Variants in MIPOL1 observed in about 807,000 individuals in gnomAD.
MIPOL1 encodes the protein mirror-image polydactyly gene 1 protein.
In MIPOL1, 57 loss-of-function variants were observed where a neutral mutation model predicts 60.9. The observed-to-expected ratio is 0.94, with a 90% confidence interval of 0.76 to 1.17. The LOEUF is 1.17. Ranked by LOEUF, MIPOL1 falls within the 50% of genes most tolerant of loss-of-function variation. MIPOL1 has a pLI of 0.00. For synonymous variants in MIPOL1, 179 were observed against 168.8 expected (o/e 1.06, Z -0.47); for missense variants, 551 against 511.6 (o/e 1.08, Z -0.74).
chr14:37,514,786 TA>T (rs1273842667), intron 12 of MIPOL1, among the ~76,000 whole-genome samples: 1 of 152,128 alleles, frequency 6.6e-6, no homozygotes, highest in Non-Finnish European at 1.5e-5. Context: ...CATGCCTGGC[TA>T]ATTTTGTATT....
intron 3 of MIPOL1, among the ~76,000 whole-genome samples, chr14:37,254,036 A>G (rs1248533614): frequency 2.0e-5 from 3 of 151,768 alleles, no homozygotes; most frequent in Non-Finnish European, 4.4e-5. Flanking sequence ...CTAGCTTAAT[A>G]GAGTGCTAGT....
rs371269368 is a variant in MIPOL1, at chr14:37,247,852, A to G, written c.-37A>G. ...AGCTGCAAATCTTGGAGCAAAAACCAGAGACATTGCCAGAGCAAACAAGAA... is the reference window on the plus strand; with the variant it reads ...AGCTGCAAATCTTGGAGCAAAAACCGGAGACATTGCCAGAGCAAACAAGAA... On this transcript the variant is annotated 5_prime_UTR_variant, in exon 3 of 13. Transcript: ENST00000684589. 36 of 1,611,668 alleles carry G rather than the reference A, an allele frequency of 2.2e-5. No individual in the cohort carries two copies. Among genetic ancestry groups the G allele is most frequent in the Non-Finnish European group, 3.0e-5 (35 of 1,178,798 alleles).
At chr14:37,232,551 T>G (rs2153318788) in intron 1 of MIPOL1, among the ~76,000 whole-genome samples, 1 of 105,750 alleles carries the variant, frequency 9.5e-6, no homozygotes, top group South Asian at 3.4e-4. Context: ...CATCTTACCC[T>G]TCTGACTATT....
At chr14:37,433,617 G>A (rs566990785) in intron 11 of MIPOL1, among the ~76,000 whole-genome samples, 47 of 152,038 alleles carry the variant, frequency 3.1e-4, no homozygotes, top group African/African-American at 8.0e-4. Flanking sequence ...GTGCAGTGGC[G>A]TGATCTCAGC....
At chr14:37,476,765 C>G (rs1001883929) in intron 11 of MIPOL1, among the ~76,000 whole-genome samples, 1 of 151,968 alleles carries the variant, frequency 6.6e-6, no homozygotes, top group Non-Finnish European at 1.5e-5. Context: ...GTTTGCATAC[C>G]TGGAATAAGT....
chr14:37,228,211 C>T (rs1010383052), intron 1 of MIPOL1, among the ~76,000 whole-genome samples: 8 of 152,234 alleles, frequency 5.3e-5, no homozygotes, highest in African/African-American at 1.7e-4. Context: ...ATTCTTTCAG[C>T]ATCACCAGTG....
At chr14:37,536,051 T>C (rs911893365) in intron 12 of MIPOL1, among the ~76,000 whole-genome samples, 1 of 152,108 alleles carries the variant, frequency 6.6e-6, no homozygotes, top group African/African-American at 2.4e-5. Context: ...ACCACAGGCA[T>C]GCACCACCAT....
intron 1 of MIPOL1, among the ~76,000 whole-genome samples, chr14:37,200,875 TGTGTGTGTGTGTGTGTGTGTGTG>T (rs1481163316): frequency 0.035 from 4,117 of 118,176 alleles, 460 homozygotes; most frequent in African/African-American, 0.14. Flanking sequence ...TGTGTGTGTG[TGTGTGTGTGTGTGTGTGTGTGTG>T]TATTTTTTTT....
rs1300045033 is a variant in MIPOL1 at position 37,261,801 on chromosome 14, T to C, written c.20-5137T>C. ...GCTATCATTTTGTACTCTTTACTGC[T>C]AGGAAAATTGATGAAAGGTTAAATA... On this transcript the variant is annotated intron_variant, in intron 3 of 12. Transcript: ENST00000684589. 2.6e-5 allele frequency among the ~76,000 whole-genome samples: 4 copies of C among 152,144 alleles called. No homozygotes were observed. In the East Asian group the frequency reaches 7.7e-4, roughly 29 times the overall value.
chr14:37,241,497 C>T (rs1055911953), intron 1 of MIPOL1, among the ~76,000 whole-genome samples: 3 of 149,090 alleles, frequency 2.0e-5, no homozygotes, highest in African/African-American at 7.4e-5. Flanking sequence ...GTGGGAGAAT[C>T]GCTTGAGTCC....
At chr14:37,297,918 C>G (rs1286305500) in intron 7 of MIPOL1, among the ~76,000 whole-genome samples, 2 of 152,134 alleles carry the variant, frequency 1.3e-5, no homozygotes, top group African/African-American at 4.8e-5. Flanking sequence ...CCCCATCAAG[C>G]TACCAATGAC....
chr14:37,238,635 G>A (rs1971856776), intron 1 of MIPOL1, among the ~76,000 whole-genome samples: 1 of 152,002 alleles, frequency 6.6e-6, no homozygotes, highest in Admixed American at 6.6e-5. Flanking sequence ...CCACATCATA[G>A]AGATGAAACT....
intron 11 of MIPOL1, among the ~76,000 whole-genome samples, chr14:37,462,597 T>G (rs1327560432): frequency 1.3e-5 from 2 of 152,222 alleles, no homozygotes; most frequent in Admixed American, 6.5e-5. Context: ...TTTCTGAAAC[T>G]GAATGCCTTT....
chr14:37,200,146 T>A (rs560398566), intron 1 of MIPOL1, among the ~76,000 whole-genome samples: 51 of 152,322 alleles, frequency 3.3e-4, no homozygotes, highest in Admixed American at 8.5e-4. Context: ...GACCAGACAA[T>A]AAGTGTAGGC....
Position 37,275,961 on chromosome 14 carries a change from A to G in MIPOL1, c.493+5436A>G, listed in dbSNP as rs556765887. Among the ~76,000 whole-genome samples, 18 of 151,316 alleles carry G rather than the reference A, an allele frequency of 1.2e-4. 1 individual carries two copies. The South Asian group carries it at 3.7e-3, about 31-fold the overall frequency. ...GACACATTTCTTATTAACCTTTGGT[A>G]CAAAGAGAAATCCAGGTTCCTGATA... On this transcript the variant is annotated intron_variant, in intron 6 of 12. Transcript: ENST00000684589.
At chr14:37,398,933 A>G (rs2093429630) in intron 10 of MIPOL1, among the ~76,000 whole-genome samples, 1 of 152,230 alleles carries the variant, frequency 6.6e-6, no homozygotes, top group Admixed American at 6.5e-5. Context: ...AACCATAGAA[A>G]TCAAGATGAT....
chr14:37,455,093 T>G (rs770272834), intron 11 of MIPOL1, among the ~76,000 whole-genome samples: 2 of 152,186 alleles, frequency 1.3e-5, no homozygotes, highest in African/African-American at 2.4e-5. Flanking sequence ...CAAAACTATC[T>G]GCTGGACATT....
chr14:37,322,834 T>C (rs2088746483), intron 9 of MIPOL1, among the ~76,000 whole-genome samples: 1 of 152,146 alleles, frequency 6.6e-6, no homozygotes, highest in Admixed American at 6.5e-5. Flanking sequence ...GTTTGTTTTT[T>C]CTTGTAAATG....
At chr14:37,421,852 A>C (rs948009060) in intron 10 of MIPOL1, among the ~76,000 whole-genome samples, 21 of 147,340 alleles carry the variant, frequency 1.4e-4, no homozygotes, top group Non-Finnish European at 2.9e-4. Flanking sequence ...ACAATAAAAT[A>C]ATTCCATTGA....
Sources: gnomAD v4.1 joint callset for allele counts (sites outside exome capture counted in the v4.1 genomes callset) on GRCh38, gnomAD v4.1.1 for gene constraint, MANE v1.5 for transcripts, NCBI Gene and HGNC (gene_info 2026-07-23, HGNC 2026-07-21) for gene names.